Variants in MLPH observed in about 807,000 individuals in gnomAD.
MLPH encodes the protein melanophilin, also known as exophilin-3.
In MLPH, 51 loss-of-function variants were observed where a neutral mutation model predicts 72.1. The observed-to-expected ratio is 0.71, with a 90% CI of 0.56 to 0.89. MLPH has a LOEUF of 0.89. Ranked by LOEUF, MLPH falls within the 40% of genes least tolerant of loss-of-function variation. The pLI is 0.00. For synonymous variants in MLPH, 301 were observed against 310.1 expected, an observed-to-expected ratio of 0.97 and a Z score of 0.31; for missense variants, 743 against 759.9, an observed-to-expected ratio of 0.98 and a Z score of 0.26.
At chr2:237,491,051 AT>A (rs1356978456) in intron 1 of MLPH, among the ~76,000 whole-genome samples, 1 of 152,200 alleles carries the variant, frequency 6.6e-6, no homozygotes, top group Non-Finnish European at 1.5e-5. Flanking sequence ...TTTATTTTAA[AT>A]GGTATCTGCC....
intron 8 of MLPH, among the ~76,000 whole-genome samples, chr2:237,530,070 TCC>T (rs1457581766): frequency 3.6e-4 from 55 of 152,348 alleles, no homozygotes; most frequent in African/African-American, 1.3e-3. Flanking sequence ...CTAGGGCTTC[TCC>T]AGCGCCCTGG....
chr2:237,545,718 G>A (rs1430359288), intron 12 of MLPH: 3 of 1,155,508 alleles, frequency 2.6e-6, no homozygotes, highest in Admixed American at 7.1e-5. Context: ...TAGGACATTT[G>A]GCAAAAGAAT....
At position 237,505,689 on chromosome 2, in the gene MLPH, A is replaced by G. The variant is rs1264212249; in HGVS notation, c.111-4885A>G. Among the ~76,000 whole-genome samples the G allele has an allele frequency of 3.3e-5, 5 of 152,198 alleles. No individual in the cohort carries two copies. The highest frequency in any genetic ancestry group is 1.2e-4 in the African/African-American group (5 of 41,456). The stretch of plus-strand genomic sequence containing the variant: ...CCTGCGTGGCTCACCAATCCTGTCC[A>G]GACCCCATCATAGGAGCGGCCTTTC... On this transcript the variant is annotated intron_variant, in intron 2 of 15. Coordinates refer to ENST00000264605, the MANE Select transcript of MLPH (RefSeq NM_024101.7). The surrounding 1 kb of genome is among the most constrained non-coding windows in gnomAD (Gnocchi z 4.5).
chr2:237,519,312 G>C (rs1004600516), intron 5 of MLPH, among the ~76,000 whole-genome samples: 4 of 152,112 alleles, frequency 2.6e-5, no homozygotes, highest in Non-Finnish European at 5.9e-5. Flanking sequence ...TGCGGCTGCT[G>C]TGAGGGGAAC....
chr2:237,508,176 A>G (rs1411317961), intron 2 of MLPH, among the ~76,000 whole-genome samples: 1 of 152,116 alleles, frequency 6.6e-6, no homozygotes, highest in Non-Finnish European at 1.5e-5. Flanking sequence ...CAGTGACACA[A>G]TCTCGGCTCA....
intron 1 of MLPH, among the ~76,000 whole-genome samples, chr2:237,490,489 A>G (rs2079408542): frequency 6.6e-6 from 1 of 152,226 alleles, no homozygotes; most frequent in Non-Finnish European, 1.5e-5. Context: ...TTGCAAGACA[A>G]GAAAAGCAGG....
At chr2:237,535,555 G>A (rs1225587373) in intron 9 of MLPH, among the ~76,000 whole-genome samples, 2 of 152,138 alleles carry the variant, frequency 1.3e-5, no homozygotes, top group African/African-American at 4.8e-5. Flanking sequence ...TGCAGAGGGA[G>A]TAGGGACCCA....
Position 237,510,578 on chromosome 2 carries a change from T to C in MLPH, c.115T>C (p.Leu39=), listed in dbSNP as rs776142290. 2 of 1,613,146 alleles carry C rather than the reference T, an allele frequency of 1.2e-6. No homozygotes were observed. Among genetic ancestry groups the C allele is most frequent in the Non-Finnish European group, 1.7e-6 (2 of 1,180,026 alleles). ...RRKEEERLEA[L]KGKIKKESSK... is the part of the protein sequence containing the mutation. ...TGTTTCTGATATTTTCCCAAGGGCG[T>C]TGAAGGGCAAGATTAAGAAGGAAAG... The change falls in exon 3 of 16, where the codon TTG becomes CTG. Residue 39 remains leucine (L), a synonymous_variant. Transcript: ENST00000264605. This position sits in a 1 kb window ranked among gnomAD's most constrained non-coding sequence, Gnocchi z 4.4.
At chr2:237,551,043 C>T (rs1384924775) in intron 14 of MLPH, among the ~76,000 whole-genome samples, 2 of 152,258 alleles carry the variant, frequency 1.3e-5, no homozygotes, top group African/African-American at 4.8e-5. Flanking sequence ...AGGCCTGACC[C>T]TTCACATTTC....
At chr2:237,545,428 T>G in intron 12 of MLPH, 1 of 1,279,314 alleles carries the variant, frequency 7.8e-7, no homozygotes, top group Non-Finnish European at 1.0e-6. Flanking sequence ...TCATTTTTGT[T>G]TATTATTTGT....
chr2:237,545,582 C>A (rs1412453215), intron 12 of MLPH: 1 of 1,287,794 alleles, frequency 7.8e-7, no homozygotes, highest in Non-Finnish European at 1.0e-6. Context: ...AGTCCGCCGC[C>A]ACGTGAAGAT....
At chr2:237,523,705 G>T (rs74001392) in intron 6 of MLPH, among the ~76,000 whole-genome samples, 1 of 152,154 alleles carries the variant, frequency 6.6e-6, no homozygotes, top group Non-Finnish European at 1.5e-5. Context: ...CCCTCGTTGT[G>T]TTGTGATTAG....
chr2:237,514,055 G>GT (rs1394534156), intron 4 of MLPH, among the ~76,000 whole-genome samples: 20 of 152,204 alleles, frequency 1.3e-4, no homozygotes, highest in Admixed American at 1.2e-3. Flanking sequence ...TTATGCTTAG[G>GT]TTCAAGAAAG....
chr2:237,496,080 G>C (rs2079530339), intron 2 of MLPH, among the ~76,000 whole-genome samples: 1 of 152,220 alleles, frequency 6.6e-6, no homozygotes, highest in African/African-American at 2.4e-5. Context: ...GCTGTGCCAA[G>C]GGCAGAACAT....
At position 237,546,670 on chromosome 2, in the gene MLPH, C is replaced by A. The variant is rs1422700600; in HGVS notation, c.1604C>A (p.Ser535Ter). The change falls in exon 13 of 16, where the codon TCA (serine) becomes TAA (stop). Residue 535 changes from serine (S) to a stop codon, truncating the protein, a stop_gained. Transcript: ENST00000264605. LOFTEE classifies it high-confidence loss of function. ...CCAGAGGACCCAAATGCAGACCCTT[C>A]AAGTGAGGCCAAGGTATGTGTTACT... ...KRPEDPNADP[S>*]SEAKAMAVPY... The A allele has an allele frequency of 6.2e-7, 1 of 1,614,042 alleles. No individual in the cohort carries two copies. Among genetic ancestry groups the A allele is most frequent in the African/African-American group, 1.3e-5 (1 of 75,062 alleles).
In MLPH at chr2:237,545,598, T is replaced by C. The variant is rs752626347; in HGVS notation, c.1540-1008T>C. 3.1e-6 allele frequency: 4 copies of C among 1,287,276 alleles called. No homozygotes were observed. The East Asian group carries it at 1.7e-4, about 54-fold the overall frequency. 79.7% of individuals were successfully genotyped at this position (1,287,276 alleles called of 1,614,324 possible). On this transcript the variant is annotated intron_variant, in intron 12 of 15. Transcript: ENST00000264605. ...GTCCGCCGCCACGTGAAGATGGATG[T>C]GACTAGAACGGAGGGCGCGGGAGGC...
chr2:237,547,750 C>A (rs2080948214), intron 13 of MLPH, among the ~76,000 whole-genome samples: 1 of 143,524 alleles, frequency 7.0e-6, no homozygotes, highest in Non-Finnish European at 1.5e-5. Context: ...GCACAGAGGG[C>A]AGAGCCAGCC....
chr2:237,528,645 C>T (rs1205553791), intron 8 of MLPH, among the ~76,000 whole-genome samples: 1 of 152,150 alleles, frequency 6.6e-6, no homozygotes, highest in East Asian at 1.9e-4. Context: ...GCCACTGTGA[C>T]GTACAATTCA....
intron 2 of MLPH, among the ~76,000 whole-genome samples, chr2:237,504,164 C>A (rs921747413): frequency 6.6e-6 from 1 of 152,200 alleles, no homozygotes; most frequent in Non-Finnish European, 1.5e-5. Context: ...AACTTCTGCC[C>A]TCCAGAGCTG....
Sources: gnomAD v4.1 joint callset for allele counts (sites outside exome capture counted in the v4.1 genomes callset) on GRCh38, gnomAD v4.1.1 for gene constraint, Gnocchi (gnomAD v3.1) non-coding constraint, MANE v1.5 for transcripts, NCBI Gene and HGNC (gene_info 2026-07-23, HGNC 2026-07-21) for gene names.